The following GALNT7 variants were observed in gnomAD, a reference collection of about 807,000 sequenced individuals.
GALNT7 encodes N-acetylgalactosaminyltransferase 7.
A neutral mutation model predicts 82.1 loss-of-function variants in GALNT7; 60 were observed. The ratio of observed to expected loss-of-function variants is 0.73; its 90% CI spans 0.59 to 0.91. GALNT7 has a LOEUF of 0.91. GALNT7 is among the 40% of genes least tolerant of loss of function. GALNT7 has a pLI of 0.00. For synonymous variants in GALNT7, 243 were observed against 275.1 expected (o/e 0.88, Z 1.15); for missense variants, 660 against 804.2 (o/e 0.82, Z 2.17).
intron 8 of GALNT7, among the ~76,000 whole-genome samples, 189 bp from the exon 9 acceptor site, chr4:173,313,768 AT>A (rs1186635112): frequency 6.6e-6 from 1 of 152,012 alleles, no homozygotes; most frequent in Non-Finnish European, 1.5e-5. Flanking sequence ...TTAAATACAC[AT>A]GATATTTTAA....
intron 2 of GALNT7, among the ~76,000 whole-genome samples, chr4:173,288,443 A>G (rs1254395890): frequency 6.6e-6 from 1 of 152,008 alleles, no homozygotes; most frequent in African/African-American, 2.4e-5. Context: ...GAGGTTTTCG[A>G]CAAACAGCCA....
intron 2 of GALNT7, among the ~76,000 whole-genome samples, chr4:173,262,547 C>T (rs2126768911): frequency 6.6e-6 from 1 of 152,280 alleles, no homozygotes; most frequent in South Asian, 2.1e-4. Flanking sequence ...CGCCTGAGAG[C>T]TCAAGTTTTG....
At chr4:173,183,789 C>T (rs894096418) in intron 1 of GALNT7, among the ~76,000 whole-genome samples, 1 of 151,226 alleles carries the variant, frequency 6.6e-6, no homozygotes, top group Non-Finnish European at 1.5e-5. Context: ...GACTGCCCCC[C>T]ACCTCCCTGA....
rs148441751 is a variant in GALNT7, at chr4:173,268,827, C to T, written c.587+20387C>T. Among the ~76,000 whole-genome samples, 428 of 152,138 alleles carry T rather than the reference C, an allele frequency of 2.8e-3. 1 individual carries two copies. The highest frequency in any genetic ancestry group is 9.6e-3 in the African/African-American group (400 of 41,518). The stretch of plus-strand genomic sequence containing the variant: ...GTGCTGGGATTACAGGCGTGAGCCA[C>T]CGCACCCGGACACTTGTTTACTCTA... On this transcript the variant is annotated intron_variant, in intron 2 of 11. Coordinates refer to ENST00000265000, the MANE Select transcript of GALNT7 (RefSeq NM_017423.3).
intron 1 of GALNT7, 45 bp downstream of exon 1, chr4:173,169,006 T>C: frequency 6.3e-7 from 1 of 1,597,282 alleles, no homozygotes; most frequent in Non-Finnish European, 8.5e-7. Flanking sequence ...GACCGGCAAC[T>C]TGTTTTGTTT....
At chr4:173,264,771 C>A (rs989618486) in intron 2 of GALNT7, among the ~76,000 whole-genome samples, 30 of 152,268 alleles carry the variant, frequency 2.0e-4, no homozygotes, top group African/African-American at 7.0e-4. Context: ...GATAAAAAAG[C>A]TGAATAGAAC....
intron 1 of GALNT7, among the ~76,000 whole-genome samples, chr4:173,186,178 T>A (rs562313762): frequency 2.6e-5 from 4 of 152,240 alleles, no homozygotes; most frequent in Admixed American, 1.3e-4. Flanking sequence ...ACCATGAACA[T>A]TAATCCTTAT....
intron 9 of GALNT7, chr4:173,315,708 C>T (rs1250953847): frequency 6.6e-6 from 1 of 152,166 alleles, no homozygotes; most frequent in Non-Finnish European, 1.5e-5. Flanking sequence ...TGTTTAACTC[C>T]AACTAGACCA....
At chr4:173,169,069 C>A in intron 1 of GALNT7, 108 bp downstream of exon 1, 1 of 1,056,302 alleles carries the variant, frequency 9.5e-7, no homozygotes, top group East Asian at 2.7e-5. Context: ...GCGTGGGCAC[C>A]GCAGCTCCGC....
rs1737913643 is a variant in GALNT7 at position 173,323,927 on chromosome 4, G to GT, written c.*2216dup. 6.6e-6 allele frequency: 1 copy of GT among 152,386 alleles called. No homozygotes were observed. The highest frequency in any genetic ancestry group is 1.5e-5 in the Non-Finnish European group (1 of 67,944). 9.4% of individuals were successfully genotyped at this position (152,386 alleles called of 1,614,324 possible). On this transcript the variant is annotated 3_prime_UTR_variant, in exon 12 of 12. Transcript: ENST00000265000. ...CGTATATCTTAATTCTGGGTTGCTTGTTTTTTAGGTGACAAAAATAAAATA... is the reference window on the plus strand; with the variant it reads ...CGTATATCTTAATTCTGGGTTGCTTGTTTTTTTAGGTGACAAAAATAAAATA...
intron 1 of GALNT7, among the ~76,000 whole-genome samples, chr4:173,171,988 G>T (rs1731890705): frequency 6.6e-6 from 1 of 152,222 alleles, no homozygotes; most frequent in East Asian, 1.9e-4. Flanking sequence ...CAGGTCTGAA[G>T]CAACTCGATT....
intron 2 of GALNT7, chr4:173,282,578 A>G (rs144535372): frequency 2.0e-5 from 3 of 152,214 alleles, no homozygotes; most frequent in Non-Finnish European, 2.9e-5. Flanking sequence ...CTTTCTGGCT[A>G]TTTCTTGCTG....
chr4:173,219,875 G>A (rs780392991), intron 1 of GALNT7, among the ~76,000 whole-genome samples: 1 of 152,050 alleles, frequency 6.6e-6, no homozygotes, highest in Non-Finnish European at 1.5e-5. Flanking sequence ...TGAGTTCCTT[G>A]TAGATTCTGG....
chr4:173,209,778 A>T (rs1274968044), intron 1 of GALNT7, among the ~76,000 whole-genome samples: 57 of 152,308 alleles, frequency 3.7e-4, no homozygotes, highest in Non-Finnish European at 7.2e-4. Context: ...TCCGGGTGCC[A>T]GCACAAAGTT....
chr4:173,182,817 TACACACACAC>T (rs66792322), intron 1 of GALNT7, among the ~76,000 whole-genome samples: 2 of 134,924 alleles, frequency 1.5e-5, no homozygotes, highest in Non-Finnish European at 3.1e-5. Context: ...TTACTCATAA[TACACACACAC>T]ACACACACAC....
At position 173,292,321 on chromosome 4, in the gene GALNT7, T is replaced by A; in HGVS notation, c.754+47T>A. 1 of 1,179,744 alleles carries A rather than the reference T, an allele frequency of 8.5e-7. No homozygotes were observed. Among genetic ancestry groups the A allele is most frequent in the Non-Finnish European group, 1.2e-6 (1 of 826,086 alleles). The allele number at this position is 1,179,744 out of a possible 1,614,324, so 73.1% of individuals were successfully genotyped here. On this transcript the variant is annotated intron_variant, in intron 3 of 11. Transcript: ENST00000265000. The surrounding 1 kb of genome is among the most constrained non-coding windows in gnomAD (Gnocchi z 4.8). ...TTTTGTCTATAAAATAAGTTAAGCA[T>A]GAATAATTGCAAAAAGGTGATTTCA...
At chr4:173,225,259 AC>A (rs1421318119) in intron 1 of GALNT7, among the ~76,000 whole-genome samples, 1 of 151,868 alleles carries the variant, frequency 6.6e-6, no homozygotes, top group Non-Finnish European at 1.5e-5. Flanking sequence ...TCCTTCTTAG[AC>A]ATTTTTATAA....
chr4:173,202,903 C>T (rs1185982027), intron 1 of GALNT7, among the ~76,000 whole-genome samples: 1 of 152,116 alleles, frequency 6.6e-6, no homozygotes. Flanking sequence ...GTATCCTATA[C>T]TACTATATAA....
rs1736688430 is a variant in GALNT7 at position 173,295,472 on chromosome 4, G to A, written c.831G>A (p.Arg277=). 1.2e-6 allele frequency: 2 copies of A among 1,612,624 alleles called. No individual in the cohort carries two copies. The highest frequency in any genetic ancestry group is 1.1e-5 in the South Asian group (1 of 91,060). Reference sequence around the variant, plus strand: ...TGAAGGTATTTCGAAATGAAAGAAGGGAAGGTTTAATTCAAGCACGAAGTA... The same window carrying A: ...TGAAGGTATTTCGAAATGAAAGAAGAGAAGGTTTAATTCAAGCACGAAGTA... The part of the protein sequence containing the change: ...GLVKVFRNER[R]EGLIQARSIG... The change falls in exon 4 of 12, where the codon AGG becomes AGA. Residue 277 remains arginine (R), a synonymous_variant. Transcript: ENST00000265000.
Sources: allele counts gnomAD v4.1 joint callset (sites outside exome capture counted in the v4.1 genomes callset), GRCh38; gene constraint gnomAD v4.1.1; non-coding constraint Gnocchi (gnomAD v3.1); transcripts MANE v1.5; gene names NCBI Gene and HGNC (gene_info 2026-07-23, HGNC 2026-07-21).